Variants in SEMA5B observed in about 807,000 individuals in gnomAD.
The protein encoded by SEMA5B is semaphorin-5B.
SEMA5B carries 66 observed loss-of-function variants against 135.0 expected under a neutral mutation model. The observed-to-expected ratio is 0.49, with a 90% CI of 0.40 to 0.60. SEMA5B has a LOEUF of 0.60. Among genes scored for constraint, SEMA5B ranks in the 20% least tolerant of loss-of-function variants. The pLI is 0.00. For synonymous variants in SEMA5B, 690 were observed against 639.5 expected, an observed-to-expected ratio of 1.08 and a Z score of -1.19; for missense variants, 1,501 against 1,566.3, an observed-to-expected ratio of 0.96 and a Z score of 0.70.
At chr3:123,007,527 G>A (rs188051176) in intron 1 of SEMA5B, among the ~76,000 whole-genome samples, 1 of 152,286 alleles carries the variant, frequency 6.6e-6, no homozygotes, top group East Asian at 1.9e-4. Flanking sequence ...GCCTTTGAGA[G>A]GTGATTGGAT....
intron 4 of SEMA5B, among the ~76,000 whole-genome samples, chr3:122,943,009 G>C (rs752117635): frequency 6.6e-6 from 1 of 152,196 alleles, no homozygotes; most frequent in Non-Finnish European, 1.5e-5. Flanking sequence ...GAGGTCCTTC[G>C]GGAAAGGTTC....
intron 1 of SEMA5B, among the ~76,000 whole-genome samples, chr3:122,987,337 A>G (rs996608148): frequency 3.9e-5 from 6 of 152,208 alleles, no homozygotes; most frequent in Non-Finnish European, 8.8e-5. Context: ...ATCTCCACAG[A>G]ATCCAGCCAG....
chr3:122,925,261 C>A (rs1478893706), intron 9 of SEMA5B, among the ~76,000 whole-genome samples: 8 of 152,108 alleles, frequency 5.3e-5, no homozygotes, highest in Non-Finnish European at 1.2e-4. Flanking sequence ...CCACCCATCA[C>A]TGTCTATATC....
chr3:122,922,197 C>T (rs905355156), intron 11 of SEMA5B, 43 bp downstream of exon 11: 24 of 1,583,616 alleles, frequency 1.5e-5, no homozygotes, highest in Non-Finnish European at 2.1e-5. Flanking sequence ...CGTCCCTCAA[C>T]CCACCCCCGA....
At chr3:122,931,220 C>T (rs1938957813) in intron 5 of SEMA5B, among the ~76,000 whole-genome samples, 1 of 152,070 alleles carries the variant, frequency 6.6e-6, no homozygotes, top group Admixed American at 6.6e-5. Context: ...TTTTTAAAAT[C>T]GATTTCTAAA....
At chr3:122,971,283 C>A (rs1002664272) in intron 1 of SEMA5B, among the ~76,000 whole-genome samples, 1 of 152,252 alleles carries the variant, frequency 6.6e-6, no homozygotes, top group African/African-American at 2.4e-5. Context: ...AACCCAGCAC[C>A]AGTCACATAA....
intron 12 of SEMA5B, among the ~76,000 whole-genome samples, 195 bp downstream of exon 12, chr3:122,921,720 C>G (rs1262352953): frequency 6.6e-6 from 1 of 152,236 alleles, no homozygotes; most frequent in Non-Finnish European, 1.5e-5. Context: ...GAGATTATCT[C>G]AATTAACCCT....
At chr3:122,952,843 C>T (rs557373205) in intron 2 of SEMA5B, among the ~76,000 whole-genome samples, 1 of 152,252 alleles carries the variant, frequency 6.6e-6, no homozygotes, top group African/African-American at 2.4e-5. Context: ...AGCTGCATCC[C>T]TCAACAGACC....
chr3:123,027,135 C>G (rs1942821693), intron 1 of SEMA5B: 1 of 154,638 alleles, frequency 6.5e-6, no homozygotes, highest in Non-Finnish European at 1.4e-5. Flanking sequence ...TCGTCCGTCT[C>G]CTTCTCCAGG....
intron 2 of SEMA5B, among the ~76,000 whole-genome samples, chr3:122,957,680 G>T (rs541382747): frequency 1.3e-5 from 2 of 152,344 alleles, no homozygotes; most frequent in Non-Finnish European, 2.9e-5. Flanking sequence ...CAGCAGCTTT[G>T]CAAGAAGGCC....
intron 1 of SEMA5B, among the ~76,000 whole-genome samples, chr3:122,998,104 G>A (rs1553785412): frequency 6.6e-6 from 1 of 152,160 alleles, no homozygotes; most frequent in South Asian, 2.1e-4. Context: ...AGCCTCACAG[G>A]AGCCTCCCTT....
At chr3:123,003,033 G>A (rs1447453364) in intron 1 of SEMA5B, among the ~76,000 whole-genome samples, 1 of 152,034 alleles carries the variant, frequency 6.6e-6, no homozygotes, top group Admixed American at 6.5e-5. Flanking sequence ...CAACAAGCAG[G>A]TATAGTTACC....
intron 1 of SEMA5B, among the ~76,000 whole-genome samples, chr3:122,990,036 A>T (rs1941827550): frequency 6.6e-6 from 1 of 152,190 alleles, no homozygotes; most frequent in Non-Finnish European, 1.5e-5. Context: ...TACCTACCAG[A>T]ATCGAGCATC....
chr3:122,922,092 G>T lies in SEMA5B; in HGVS notation c.1511C>A (p.Thr504Lys). Residue 504 changes from threonine to lysine, a missense_variant, in exon 12 of 23, where the codon ACG (threonine) becomes AAG (lysine). By Grantham distance (78) the Thr-to-Lys change is moderately conservative. Around this residue, in one of 2 missense-constraint regions of SEMA5B, gnomAD observed 574 missense variants for 684.7 expected, o/e 0.84. Transcript: ENST00000357599. ...GCAGCCGTGGAGGCTGCGGCTCGCC[G>T]TGGACAGCGCCTTCAGGATGGTGCC... Reference protein sequence around the residue: ...ESGTILKALSTASRSLHGCYL... With the variant: ...ESGTILKALSKASRSLHGCYL... 6.7e-7 allele frequency: 1 copy of T among 1,494,200 alleles called. No individual in the cohort carries two copies. The highest frequency in any genetic ancestry group is 8.9e-7 in the Non-Finnish European group (1 of 1,119,150). The allele number at this position is 1,494,200 out of a possible 1,614,324, so 92.6% of individuals were successfully genotyped here.
intron 16 of SEMA5B, 30 bp from the exon 17 acceptor site, chr3:122,913,454 AC>A (rs1560281624): frequency 3.2e-6 from 5 of 1,557,756 alleles, no homozygotes. Context: ...CAGCTTTAGA[AC>A]CCCACGGCCT....
rs768650828 is a variant in SEMA5B, at chr3:122,929,008, T to C, written c.525A>G (p.Lys175=). ...SEDTRRSCQS[K]GKTEEECQNY... is the part of the protein sequence containing the mutation. ...CGAGACCACGTACCTCAGTCTTCCCTTTGCTTTGGCAGGAGCGGCGCGTGT... is the reference window on the plus strand; with the variant it reads ...CGAGACCACGTACCTCAGTCTTCCCCTTGCTTTGGCAGGAGCGGCGCGTGT... The change falls in exon 6 of 23, where the codon AAA becomes AAG. Residue 175 remains lysine, a synonymous_variant. Coordinates refer to ENST00000357599, the MANE Select transcript of SEMA5B (RefSeq NM_001031702.4). 62 of 1,612,362 alleles carry C rather than the reference T, an allele frequency of 3.8e-5. No individual in the cohort carries two copies. The highest frequency in any genetic ancestry group is 5.1e-5 in the Non-Finnish European group (60 of 1,180,002).
At position 122,961,319 on chromosome 3, in the gene SEMA5B, T is replaced by G; in HGVS notation, c.-38-18A>C. On this transcript the variant is annotated intron_variant, in intron 1 of 22. Transcript: ENST00000357599. ...ACCACTCACTGAAGGGGGAGAATTTTGGGTAAGTCATGGATACATGATGAA... is the reference window on the plus strand; with the variant it reads ...ACCACTCACTGAAGGGGGAGAATTTGGGGTAAGTCATGGATACATGATGAA... 1 of 1,610,936 alleles carries G rather than the reference T, an allele frequency of 6.2e-7. No homozygotes were observed. The highest frequency in any genetic ancestry group is 8.5e-7 in the Non-Finnish European group (1 of 1,178,232).
intron 1 of SEMA5B, among the ~76,000 whole-genome samples, chr3:123,005,662 T>C (rs897901038): frequency 1.3e-5 from 2 of 152,184 alleles, no homozygotes; most frequent in African/African-American, 4.8e-5. Context: ...AAATAGGGAC[T>C]CAGGACTCCT....
At chr3:122,918,529 G>A (rs1381020602) in intron 12 of SEMA5B, among the ~76,000 whole-genome samples, 4 of 152,208 alleles carry the variant, frequency 2.6e-5, no homozygotes, top group Non-Finnish European at 5.9e-5. Flanking sequence ...CCCAAGCCAA[G>A]GGATGAAGTG....
Sources: gnomAD v4.1 joint callset for allele counts (sites outside exome capture counted in the v4.1 genomes callset) on GRCh38, gnomAD v4.1.1 for gene constraint, gnomAD v4.1.1 regional missense constraint, MANE v1.5 for transcripts, NCBI Gene and HGNC (gene_info 2026-07-23, HGNC 2026-07-21) for gene names.